Variants in ILRUN observed in about 807,000 individuals in gnomAD.
ILRUN encodes the protein inflammation and lipid regulator with UBA-like and NBR1-like domains.
A neutral mutation model predicts 33.8 loss-of-function variants in ILRUN; 3 were observed. That is an observed-to-expected ratio of 0.09 (90% CI 0.04 to 0.23). The LOEUF (loss-of-function observed/expected upper bound fraction) is 0.23, where lower values mean the gene tolerates loss of function less well. Ranked by LOEUF, ILRUN falls within the 10% of genes least tolerant of loss-of-function variation. The pLI, the probability that ILRUN is intolerant of heterozygous loss-of-function variation, is 1.00. For missense variants in ILRUN, 210 were observed against 375.1 expected (o/e 0.56, Z 3.64); for synonymous variants, 124 against 138.9 (o/e 0.89, Z 0.75).
At chr6:34,683,776 A>C (rs1326818780) in intron 1 of ILRUN, among the ~76,000 whole-genome samples, 1 of 151,972 alleles carries the variant, frequency 6.6e-6, no homozygotes, top group Non-Finnish European at 1.5e-5. Context: ...AAATCAGGAT[A>C]TTTCAGCTGG....
At position 34,650,407 on chromosome 6, in the gene ILRUN, T is replaced by TTA. The variant is rs1554186669; in HGVS notation, c.314-3610_314-3609insTA. 7.4e-4 allele frequency among the ~76,000 whole-genome samples: 104 copies of TTA among 141,492 alleles called. 1 individual carries two copies. The East Asian group carries it at 0.01, about 14-fold the overall frequency. 92.8% of individuals were successfully genotyped at this position (141,492 alleles called of 152,430 possible). A position where few individuals can be genotyped will look rare whatever the true frequency, so the allele number is the denominator to read the frequency against. On this transcript the variant is annotated intron_variant, in intron 2 of 4. Coordinates refer to ENST00000374023, the MANE Select transcript of ILRUN (RefSeq NM_024294.4). The stretch of plus-strand genomic sequence containing the variant: ...TAGGAGCTTAATTTTATTTATTTAT[T>TTA]TTTATTTATTTATTTATTTATTTAT...
intron 3 of ILRUN, among the ~76,000 whole-genome samples, chr6:34,608,164 C>A (rs191852909): frequency 6.6e-6 from 1 of 151,898 alleles, no homozygotes; most frequent in African/African-American, 2.4e-5. Context: ...GAGGCTGAGG[C>A]AGGAAGATCA....
chr6:34,636,890 A>C (rs1419643355), intron 3 of ILRUN, among the ~76,000 whole-genome samples: 1 of 152,204 alleles, frequency 6.6e-6, no homozygotes, highest in Non-Finnish European at 1.5e-5. Context: ...AAACCTTCTT[A>C]AGAATTTCTT....
At chr6:34,668,892 G>A (rs1763056597) in intron 1 of ILRUN, among the ~76,000 whole-genome samples, 1 of 146,360 alleles carries the variant, frequency 6.8e-6, no homozygotes, top group African/African-American at 2.6e-5. Context: ...TCGCCAGGCT[G>A]GAGTGCAATG....
At position 34,683,477 on chromosome 6, in the gene ILRUN, T is replaced by TATATATATAC. The variant is rs1562033100; in HGVS notation, c.158+12959_158+12968dup. Among the ~76,000 whole-genome samples, 17 of 102,182 alleles carry TATATATATAC rather than the reference T, an allele frequency of 1.7e-4. 1 individual carries two copies. The highest frequency in any genetic ancestry group is 5.3e-4 in the South Asian group (2 of 3,776). 67.0% of individuals were successfully genotyped at this position (102,182 alleles called of 152,430 possible). On this transcript the variant is annotated intron_variant, in intron 1 of 4. Transcript: ENST00000374023. ...ACATATATATACATATATATACACATATATATATACATATATATATACATA... is the reference window on the plus strand; with the variant it reads ...ACATATATATACATATATATACACATATATATATACATATATATACATATATATATACATA...
In ILRUN at chr6:34,589,284, T is replaced by A. The variant is rs1761251901; in HGVS notation, c.*1281A>T. The A allele has an allele frequency of 6.6e-6, 1 of 152,266 alleles. No homozygotes were observed. The highest frequency in any genetic ancestry group is 1.5e-5 in the Non-Finnish European group (1 of 68,038). The allele number at this position is 152,266 out of a possible 1,614,324, so 9.4% of individuals were successfully genotyped here. A position where few individuals can be genotyped will look rare whatever the true frequency, so the allele number is the denominator to read the frequency against. ...GCAGCCAGTCAATCAGCCTCTTGCT[T>A]CAGCTGGGCTGCCACTTGCCCACCT... On this transcript the variant is annotated 3_prime_UTR_variant, in exon 5 of 5. Transcript: ENST00000374023.
intron 3 of ILRUN, among the ~76,000 whole-genome samples, chr6:34,640,107 TA>T (rs1346349595): frequency 6.6e-6 from 1 of 152,186 alleles, no homozygotes; most frequent in Non-Finnish European, 1.5e-5. Context: ...AAAAATCAGA[TA>T]CTTATTAGTC....
chr6:34,648,304 C>G (rs1762598450), intron 2 of ILRUN, among the ~76,000 whole-genome samples: 1 of 152,118 alleles, frequency 6.6e-6, no homozygotes, highest in Non-Finnish European at 1.5e-5. Context: ...CTCTAAGATG[C>G]CTCAGTTCCT....
At chr6:34,612,782 C>A (rs1019602866) in intron 3 of ILRUN, among the ~76,000 whole-genome samples, 20 of 152,150 alleles carry the variant, frequency 1.3e-4, no homozygotes, top group Non-Finnish European at 2.5e-4. Context: ...GTGGCTCACG[C>A]CTGCAATCCC....
intron 4 of ILRUN, among the ~76,000 whole-genome samples, chr6:34,594,774 C>T (rs1490835388): frequency 2.0e-5 from 3 of 152,174 alleles, no homozygotes; most frequent in Non-Finnish European, 4.4e-5. Context: ...TTGCCTTAGG[C>T]CAGCTGATTG....
chr6:34,679,142 T>A (rs1366508397), intron 1 of ILRUN, among the ~76,000 whole-genome samples: 1 of 124,814 alleles, frequency 8.0e-6, no homozygotes, highest in Non-Finnish European at 1.8e-5. Context: ...AAATAAAAAT[T>A]GGGAGGAAAA....
At chr6:34,622,437 G>A (rs1762029730) in intron 3 of ILRUN, among the ~76,000 whole-genome samples, 1 of 151,968 alleles carries the variant, frequency 6.6e-6, no homozygotes, top group Non-Finnish European at 1.5e-5. Context: ...AAATACAAAT[G>A]TCCAATTAGC....
At chr6:34,626,208 G>C (rs1257665851) in intron 3 of ILRUN, among the ~76,000 whole-genome samples, 3 of 152,054 alleles carry the variant, frequency 2.0e-5, no homozygotes, top group Non-Finnish European at 4.4e-5. Context: ...GTCTCTCTTT[G>C]TTGCCCAGGC....
intron 1 of ILRUN, among the ~76,000 whole-genome samples, chr6:34,658,406 C>A: frequency 6.6e-6 from 1 of 150,560 alleles, no homozygotes; most frequent in Non-Finnish European, 1.5e-5. Context: ...ATAGTTAATG[C>A]CACAGAACTG....
At chr6:34,648,686 T>C (rs543556040) in intron 2 of ILRUN, among the ~76,000 whole-genome samples, 5 of 152,308 alleles carry the variant, frequency 3.3e-5, no homozygotes, top group East Asian at 1.9e-4. Flanking sequence ...CCTTACAAAA[T>C]GTCAGTCTCC....
chr6:34,591,720 A>G (rs908099361), intron 4 of ILRUN, among the ~76,000 whole-genome samples: 13 of 151,916 alleles, frequency 8.6e-5, no homozygotes, highest in African/African-American at 2.9e-4. Flanking sequence ...CGATCTCCTG[A>G]CCTCGTGATC....
intron 1 of ILRUN, among the ~76,000 whole-genome samples, chr6:34,662,525 T>C (rs576697917): frequency 6.6e-6 from 1 of 152,220 alleles, no homozygotes; most frequent in Admixed American, 6.5e-5. Context: ...ATAAACAATA[T>C]ATGATTTATA....
chr6:34,612,221 C>G (rs989753037), intron 3 of ILRUN, among the ~76,000 whole-genome samples: 13 of 84,754 alleles, frequency 1.5e-4, no homozygotes, highest in Middle Eastern at 5.3e-3. Flanking sequence ...TGCGACCAGC[C>G]TATGGCAACA....
chr6:34,646,535 A>G lies in ILRUN; in HGVS notation c.511+66T>C. 6.6e-6 allele frequency: 10 copies of G among 1,512,934 alleles called. No individual in the cohort carries two copies. Among genetic ancestry groups the G allele is most frequent in the Non-Finnish European group, 7.3e-6 (8 of 1,098,974 alleles). The allele number at this position is 1,512,934 out of a possible 1,614,324, so 93.7% of individuals were successfully genotyped here. A position where few individuals can be genotyped will look rare whatever the true frequency, so the allele number is the denominator to read the frequency against. On this transcript the variant is annotated intron_variant, in intron 3 of 4. Coordinates refer to ENST00000374023, the MANE Select transcript of ILRUN (RefSeq NM_024294.4). This position sits in a 1 kb window ranked among gnomAD's most constrained non-coding sequence, Gnocchi z 4.9. The stretch of plus-strand genomic sequence containing the variant: ...TGCAATTTGACAGGCTCTGTGAGCA[A>G]CACTGGGGATGTTATAAGATGTTAC...
Sources: allele counts gnomAD v4.1 joint callset (sites outside exome capture counted in the v4.1 genomes callset), GRCh38; gene constraint gnomAD v4.1.1; non-coding constraint Gnocchi (gnomAD v3.1); transcripts MANE v1.5; gene names NCBI Gene and HGNC (gene_info 2026-07-23, HGNC 2026-07-21).